RBFOX1: variants seen among roughly 807,000 people sequenced by gnomAD.
RBFOX1 encodes the protein RNA binding protein fox-1 homolog 1.
Under a neutral mutation model 57.7 loss-of-function variants are expected in RBFOX1, and 8 were observed. The ratio of observed to expected loss-of-function variants is 0.14; its 90% CI spans 0.08 to 0.25. RBFOX1 has a LOEUF of 0.25. Ranked by LOEUF, RBFOX1 falls within the 10% of genes least tolerant of loss-of-function variation. RBFOX1 has a pLI of 1.00. For synonymous variants in RBFOX1, 326 were observed against 222.4 expected (o/e 1.47, Z -4.15); for missense variants, 611 against 548.5 (o/e 1.11, Z -1.14).
At chr16:7,510,919 A>AAGGGTTGAGT (rs2074911860) in intron 4 of RBFOX1, among the ~76,000 whole-genome samples, 1 of 152,158 alleles carries the variant, frequency 6.6e-6, no homozygotes, top group African/African-American at 2.4e-5. Context: ...TCTTCATTAT[A>AAGGGTTGAGT]AGGGTTGAGT....
intron 4 of RBFOX1, among the ~76,000 whole-genome samples, chr16:7,412,621 A>G (rs8055518): frequency 0.049 from 7,457 of 152,336 alleles, 635 homozygotes; most frequent in African/African-American, 0.17. Context: ...CTCACTTAGT[A>G]ATACAAAGCA....
At chr16:6,589,635 G>C (rs1305399875) in intron 2 of RBFOX1, among the ~76,000 whole-genome samples, 1 of 152,184 alleles carries the variant, frequency 6.6e-6, no homozygotes, top group African/African-American at 2.4e-5. Context: ...CCTAGCTGCA[G>C]GACTCCTAAA....
chr16:6,372,807 G>A (rs1357878344), intron 2 of RBFOX1, among the ~76,000 whole-genome samples: 1 of 151,946 alleles, frequency 6.6e-6, no homozygotes, highest in African/African-American at 2.4e-5. Flanking sequence ...GAGATTGGGT[G>A]GAAGTATAAC....
intron 4 of RBFOX1, among the ~76,000 whole-genome samples, chr16:7,362,126 TTG>T (rs759791691): frequency 2.6e-5 from 4 of 151,616 alleles, no homozygotes; most frequent in African/African-American, 4.8e-5. Flanking sequence ...TGTGGATGTT[TTG>T]TGTGTGTGTT....
At chr16:7,422,901 T>C (rs529662583) in intron 4 of RBFOX1, 1 of 152,444 alleles carries the variant, frequency 6.6e-6, no homozygotes, top group African/African-American at 2.4e-5. Flanking sequence ...CTTTTTGCCA[T>C]TTGCTAAAGC....
chr16:5,300,138 T>C (rs2151195887), intron 1 of RBFOX1, among the ~76,000 whole-genome samples: 1 of 152,322 alleles, frequency 6.6e-6, no homozygotes, highest in East Asian at 1.9e-4. Flanking sequence ...AATCTTACAT[T>C]CCTGAGATAA....
chr16:7,385,194 G>A (rs1389493066), intron 4 of RBFOX1, among the ~76,000 whole-genome samples: 8 of 152,194 alleles, frequency 5.3e-5, no homozygotes, highest in Admixed American at 4.6e-4. Flanking sequence ...ATGAATTACG[G>A]ATGCAGAGAT....
intron 2 of RBFOX1, among the ~76,000 whole-genome samples, chr16:6,634,497 A>T (rs2098415306): frequency 6.7e-6 from 1 of 149,394 alleles, no homozygotes; most frequent in African/African-American, 2.4e-5. Flanking sequence ...CTTATATAAT[A>T]TTATATCCAT....
intron 3 of RBFOX1, among the ~76,000 whole-genome samples, chr16:5,864,470 C>A (rs1421537334): frequency 6.6e-6 from 1 of 151,532 alleles, no homozygotes; most frequent in Non-Finnish European, 1.5e-5. Flanking sequence ...TTTGATGTAT[C>A]TCCTTTGATA....
chr16:7,135,132 G>C (rs2071564566), intron 4 of RBFOX1, among the ~76,000 whole-genome samples: 1 of 152,156 alleles, frequency 6.6e-6, no homozygotes, highest in South Asian at 2.1e-4. Context: ...CTGTATGTTA[G>C]AAAAGGAATT....
intron 3 of RBFOX1, among the ~76,000 whole-genome samples, chr16:6,692,865 C>G (rs1001646233): frequency 1.3e-5 from 2 of 150,934 alleles, no homozygotes; most frequent in Non-Finnish European, 3.0e-5. Context: ...ATCATCATCA[C>G]CATCCTCATC....
chr16:6,238,750 T>G (rs1054985765), intron 1 of RBFOX1, among the ~76,000 whole-genome samples: 4 of 152,216 alleles, frequency 2.6e-5, no homozygotes, highest in African/African-American at 9.6e-5. Context: ...ACTGACTATT[T>G]TTTTAAAATG....
upstream of RBFOX1, among the ~76,000 whole-genome samples, chr16:6,018,280 C>A (rs1424749394): frequency 1.3e-5 from 2 of 151,862 alleles, no homozygotes; most frequent in East Asian, 3.9e-4. Flanking sequence ...AGAGTGGGAC[C>A]CAGGAAGGGA....
intron 2 of RBFOX1, among the ~76,000 whole-genome samples, chr16:6,348,854 C>G (rs74645437): frequency 6.6e-6 from 1 of 152,090 alleles, no homozygotes; most frequent in African/African-American, 2.4e-5. Flanking sequence ...GAGATTTGGA[C>G]GGAGACACAG....
intron 5 of RBFOX1, among the ~76,000 whole-genome samples, chr16:7,543,753 A>C (rs2083635550): frequency 2.0e-5 from 3 of 147,794 alleles, no homozygotes; most frequent in Non-Finnish European, 4.5e-5. Flanking sequence ...TTTCAAATGG[A>C]CTCTGTTGTC....
chr16:6,441,731 C>A (rs988322668), intron 2 of RBFOX1, among the ~76,000 whole-genome samples: 7 of 152,076 alleles, frequency 4.6e-5, no homozygotes, highest in African/African-American at 1.7e-4. Context: ...TTCATTTTCT[C>A]TTATTTCTGA....
chr16:6,904,083 A>G (rs914714088), intron 3 of RBFOX1, among the ~76,000 whole-genome samples: 34 of 152,342 alleles, frequency 2.2e-4, no homozygotes, highest in African/African-American at 7.2e-4. Context: ...GGGTACAGCA[A>G]GTCGGATGCT....
At chr16:7,453,676 G>A (rs1227113111) in intron 4 of RBFOX1, among the ~76,000 whole-genome samples, 2 of 152,124 alleles carry the variant, frequency 1.3e-5, no homozygotes, top group African/African-American at 4.8e-5. Context: ...CCAAGCACTG[G>A]TCAAGGTACT....
chr16:5,900,388 C>T lies in RBFOX1; in HGVS notation c.351+33053C>T, dbSNP rs141844132. ...TCCTAGCAGAGAGAATTGTACATGC[C>T]AAAAGGAAGGGGGAAAAAAAGAAAG... On this transcript the variant is annotated intron_variant, in intron 4 of 19. Coordinates refer to the RBFOX1 transcript ENST00000641259. 1.7e-3 allele frequency among the ~76,000 whole-genome samples: 260 copies of T among 152,116 alleles called. 1 individual carries two copies. The highest frequency in any genetic ancestry group is 6.0e-3 in the African/African-American group (247 of 41,506).
Sources: allele counts gnomAD v4.1 joint callset (sites outside exome capture counted in the v4.1 genomes callset), GRCh38; gene constraint gnomAD v4.1.1; transcripts MANE v1.5; gene names NCBI Gene and HGNC (gene_info 2026-07-23, HGNC 2026-07-21).